The following SOX5 variants were observed in gnomAD, a reference collection of about 807,000 sequenced individuals.
SOX5 encodes transcription factor SOX-5.
SOX5 carries 9 observed loss-of-function variants against 92.0 expected under a neutral mutation model. The observed-to-expected ratio is 0.10, with a 90% CI of 0.06 to 0.17. The LOEUF is 0.17. SOX5 is among the 10% of genes least tolerant of loss of function. The pLI, the probability that SOX5 is intolerant of heterozygous loss-of-function variation, is 1.00. For synonymous variants in SOX5, 344 were observed against 336.3 expected (o/e 1.02, Z -0.25); for missense variants, 642 against 944.5 (o/e 0.68, Z 4.20).
intron 1 of SOX5, among the ~76,000 whole-genome samples, chr12:24,465,051 T>C (rs564322671): frequency 6.6e-6 from 1 of 152,322 alleles, no homozygotes; most frequent in Non-Finnish European, 1.5e-5. Flanking sequence ...ACAATGATGT[T>C]ATCTACCATT....
At chr12:24,245,211 A>G (rs1432871893) in intron 3 of SOX5, among the ~76,000 whole-genome samples, 1 of 149,954 alleles carries the variant, frequency 6.7e-6, no homozygotes, top group East Asian at 2.0e-4. Flanking sequence ...GATGGCTAAG[A>G]GCATCATTTG....
At chr12:24,480,498 A>G (rs967383115) in intron 1 of SOX5, among the ~76,000 whole-genome samples, 3 of 152,194 alleles carry the variant, frequency 2.0e-5, no homozygotes, top group African/African-American at 7.2e-5. Context: ...AAATATTTGT[A>G]AACTACCCAC....
chr12:24,339,912 A>C (rs891762943), intron 2 of SOX5, among the ~76,000 whole-genome samples: 37 of 152,252 alleles, frequency 2.4e-4, no homozygotes, highest in Non-Finnish European at 4.8e-4. Flanking sequence ...TGCCTCCCCC[A>C]GGGTATTATC....
chr12:24,172,721 C>G (rs1426915540), intron 4 of SOX5, among the ~76,000 whole-genome samples: 1 of 151,984 alleles, frequency 6.6e-6, no homozygotes, highest in Non-Finnish European at 1.5e-5. Context: ...AGTTACTGTC[C>G]CCACTGTGAA....
intron 4 of SOX5, among the ~76,000 whole-genome samples, chr12:23,972,579 G>C (rs562800335): frequency 6.6e-6 from 1 of 151,868 alleles, no homozygotes; most frequent in Non-Finnish European, 1.5e-5. Flanking sequence ...GGCTAGTCTC[G>C]AACTCCTAAC....
intron 1 of SOX5, among the ~76,000 whole-genome samples, chr12:24,555,354 C>G (rs932372727): frequency 6.6e-6 from 1 of 152,142 alleles, no homozygotes; most frequent in Middle Eastern, 3.2e-3. Flanking sequence ...ACGGTTTATA[C>G]TCTGATAAAA....
At chr12:24,346,325 G>A (rs961047559) in intron 2 of SOX5, among the ~76,000 whole-genome samples, 1 of 152,116 alleles carries the variant, frequency 6.6e-6, no homozygotes, top group African/African-American at 2.4e-5. Flanking sequence ...TATTTCAAAG[G>A]AGGATAAAAT....
At chr12:24,371,999 AAG>A (rs549724316) in intron 1 of SOX5, among the ~76,000 whole-genome samples, 8 of 151,392 alleles carry the variant, frequency 5.3e-5, no homozygotes, top group African/African-American at 7.3e-5. Flanking sequence ...AAAAAAAAAA[AAG>A]AGAGAGAGAG....
chr12:24,221,961 A>G (rs750668602), intron 3 of SOX5, among the ~76,000 whole-genome samples: 1 of 152,268 alleles, frequency 6.6e-6, no homozygotes, highest in Non-Finnish European at 1.5e-5. Flanking sequence ...AAGTGAGGTC[A>G]GATAAGCCAG....
chr12:23,931,220 T>C (rs976071210), intron 1 of SOX5, among the ~76,000 whole-genome samples: 9 of 151,806 alleles, frequency 5.9e-5, no homozygotes, highest in African/African-American at 2.2e-4. Flanking sequence ...TGACAATTCA[T>C]CATCAAGAAT....
chr12:23,631,776 G>A (rs776002259), intron 8 of SOX5, among the ~76,000 whole-genome samples: 2 of 152,100 alleles, frequency 1.3e-5, no homozygotes, highest in East Asian at 3.9e-4. Context: ...AAACACACGT[G>A]TACTGATGTT....
chr12:23,957,371 T>G (rs1041113832), intron 4 of SOX5, among the ~76,000 whole-genome samples: 2 of 152,216 alleles, frequency 1.3e-5, no homozygotes, highest in Non-Finnish European at 2.9e-5. Flanking sequence ...AGATTTTAGT[T>G]TCTCCAAGTA....
chr12:24,203,297 C>A (rs1025596573), intron 4 of SOX5, among the ~76,000 whole-genome samples: 7 of 152,152 alleles, frequency 4.6e-5, no homozygotes, highest in Admixed American at 3.3e-4. Flanking sequence ...CTTTCTGGGA[C>A]CAAAAGATGT....
intron 1 of SOX5, among the ~76,000 whole-genome samples, chr12:24,460,379 T>C (rs1943490150): frequency 6.6e-6 from 1 of 152,228 alleles, no homozygotes; most frequent in Admixed American, 6.5e-5. Context: ...CACTGTATTT[T>C]GTAGCTTTCT....
chr12:24,051,346 G>A (rs1349458444), intron 4 of SOX5, among the ~76,000 whole-genome samples: 3 of 151,992 alleles, frequency 2.0e-5, no homozygotes, highest in Admixed American at 6.5e-5. Context: ...AGAAACAATC[G>A]AGATAGTCTA....
At chr12:24,535,526 T>A (rs1213093401) in intron 1 of SOX5, among the ~76,000 whole-genome samples, 1 of 152,142 alleles carries the variant, frequency 6.6e-6, no homozygotes, top group Non-Finnish European at 1.5e-5. Context: ...ACAGATTAAC[T>A]TTGCTTGCTT....
At chr12:24,324,872 A>T (rs1950531349) in intron 2 of SOX5, among the ~76,000 whole-genome samples, 1 of 152,080 alleles carries the variant, frequency 6.6e-6, no homozygotes, top group Non-Finnish European at 1.5e-5. Context: ...TACTTTAGTT[A>T]GTACCTTTTA....
intron 6 of SOX5, among the ~76,000 whole-genome samples, chr12:23,689,711 A>G (rs1211378016): frequency 1.3e-5 from 2 of 152,096 alleles, no homozygotes; most frequent in Non-Finnish European, 2.9e-5. Context: ...GAAGATGAGG[A>G]AAATGTAGAA....
chr12:24,301,197 C>A (rs1319200024), intron 2 of SOX5, among the ~76,000 whole-genome samples: 1 of 152,144 alleles, frequency 6.6e-6, no homozygotes, highest in Non-Finnish European at 1.5e-5. Context: ...CACTCTAATG[C>A]CAATAGTAGT....
Sources: allele counts gnomAD v4.1 joint callset (sites outside exome capture counted in the v4.1 genomes callset), GRCh38; gene constraint gnomAD v4.1.1; transcripts MANE v1.5; gene names NCBI Gene and HGNC (gene_info 2026-07-23, HGNC 2026-07-21).